The following CLEC12A variants were observed in gnomAD, a reference collection of about 807,000 sequenced individuals.
The protein encoded by CLEC12A is C-type lectin protein CLL-1.
In CLEC12A, 22 loss-of-function variants were observed where a neutral mutation model predicts 26.5. The observed-to-expected ratio is 0.83, with a 90% confidence interval of 0.59 to 1.19. The LOEUF (loss-of-function observed/expected upper bound fraction) is 1.19, where lower values mean the gene tolerates loss of function less well. Among genes scored for constraint, CLEC12A ranks in the 50% most tolerant of loss-of-function variants. The pLI is 0.00. For synonymous variants in CLEC12A, 119 were observed against 101.9 expected (o/e 1.17, Z -1.01); for missense variants, 353 against 315.6 (o/e 1.12, Z -0.90).
chr12:9,979,131 T>A, intron 2 of CLEC12A, 67 bp downstream of exon 2: 1 of 1,327,380 alleles, frequency 7.5e-7, no homozygotes, highest in Non-Finnish European at 1.1e-6. Flanking sequence ...CAACAAAAGT[T>A]TATTCCTTCA....
intron 1 of CLEC12A, among the ~76,000 whole-genome samples, chr12:9,978,306 A>G (rs1351658976): frequency 6.6e-6 from 1 of 152,114 alleles, no homozygotes. Context: ...GAAATGATCT[A>G]TTCTGGGCTT....
At chr12:9,986,525 C>T (rs1219470545), downstream of CLEC12A, among the ~76,000 whole-genome samples, 5 of 150,510 alleles carry the variant, frequency 3.3e-5, no homozygotes, top group Non-Finnish European at 7.4e-5. Context: ...TAAAAGGCAG[C>T]AAGGGTTGGG....
chr12:9,997,418 G>A, downstream of CLEC12A: 1 of 733,840 alleles, frequency 1.4e-6, no homozygotes, highest in Non-Finnish European at 2.2e-6. Context: ...AATGAATGTT[G>A]AAAAGTGTGG....
At chr12:9,963,055 A>G (rs959899604) in intron 1 of CLEC12A, among the ~76,000 whole-genome samples, 1 of 152,170 alleles carries the variant, frequency 6.6e-6, no homozygotes, top group Non-Finnish European at 1.5e-5. Flanking sequence ...TGGAGTTGCT[A>G]GAAGAAACAT....
downstream of CLEC12A, among the ~76,000 whole-genome samples, chr12:9,996,461 A>G (rs1865050061): frequency 6.6e-6 from 1 of 152,202 alleles, no homozygotes; most frequent in African/African-American, 2.4e-5. Context: ...GAGTGGAAAG[A>G]AAAGCTAATT....
chr12:9,997,362 C>A, downstream of CLEC12A: 1 of 1,296,402 alleles, frequency 7.7e-7, no homozygotes, highest in Non-Finnish European at 1.1e-6. Context: ...TTTTCATTTC[C>A]TTAACTTTGC....
At chr12:9,993,381 G>T in intron 4 of CLEC12A, 3 of 704,454 alleles carry the variant, frequency 4.3e-6, no homozygotes, top group Non-Finnish European at 6.8e-6. Flanking sequence ...ACCAAATAGA[G>T]ACTGAGGAAA....
Position 9,984,010 on chromosome 12 carries a change from G to C in CLEC12A, c.642-860G>C, listed in dbSNP as rs780257807. Reference sequence around the variant, plus strand: ...TATGTGTTTGTAATTATTGCAAATGGAATGGTAATCTATAATGGAATGGAA... The same window carrying C: ...TATGTGTTTGTAATTATTGCAAATGCAATGGTAATCTATAATGGAATGGAA... On this transcript the variant is annotated intron_variant, in intron 5 of 5. Coordinates refer to ENST00000304361, the MANE Select transcript of CLEC12A (RefSeq NM_138337.6). 20 of 275,858 alleles carry C rather than the reference G, an allele frequency of 7.3e-5. No homozygotes were observed. In the East Asian group the frequency reaches 2.2e-3, roughly 31 times the overall value. 17.1% of individuals were successfully genotyped at this position (275,858 alleles called of 1,614,324 possible).
chr12:9,998,144 C>T, downstream of CLEC12A: 1 of 666,726 alleles, frequency 1.5e-6, no homozygotes. Context: ...TATTGAGATT[C>T]TCTTGGCAAC....
chr12:9,980,447 AAG>A, intron 3 of CLEC12A, 133 bp from the exon 4 acceptor site: 2 of 950,920 alleles, frequency 2.1e-6, no homozygotes, highest in Non-Finnish European at 1.5e-6. Context: ...AAAAAAAAAA[AAG>A]GGGGAAAGAG....
chr12:9,983,708 C>T (rs76890416), intron 5 of CLEC12A: 5,378 of 486,204 alleles, frequency 0.011, 71 homozygotes, highest in Admixed American at 0.035. Context: ...CACATTGGGC[C>T]ATAATGGCAA....
upstream of CLEC12A, among the ~76,000 whole-genome samples, chr12:9,969,303 C>T (rs532393024): frequency 3.3e-5 from 5 of 152,248 alleles, no homozygotes; most frequent in African/African-American, 1.2e-4. Flanking sequence ...ATTCTTATTA[C>T]CCTGATTTGG....
At chr12:9,973,744 G>A (rs774973337) in intron 1 of CLEC12A, among the ~76,000 whole-genome samples, 10 of 151,930 alleles carry the variant, frequency 6.6e-5, no homozygotes, top group African/African-American at 1.2e-4. Flanking sequence ...ATGAAGGGAC[G>A]GCTCCTCATT....
the CLEC12A span, among the ~76,000 whole-genome samples, chr12:10,002,767 A>G: frequency 6.6e-6 from 1 of 152,284 alleles, no homozygotes; most frequent in Non-Finnish European, 1.5e-5. Context: ...TAATCATTAC[A>G]CTTCTTGTAA....
At chr12:9,992,327 C>T (rs758760691) in intron 4 of CLEC12A, 17 of 152,064 alleles carry the variant, frequency 1.1e-4, no homozygotes, top group African/African-American at 1.7e-4. Context: ...CCTTCTCTAG[C>T]GCAGAAAATT....
chr12:9,993,947 TG>T (rs1864963487), intron 4 of CLEC12A, among the ~76,000 whole-genome samples: 1 of 152,152 alleles, frequency 6.6e-6, no homozygotes, highest in South Asian at 2.1e-4. Context: ...AGAAAGCTAA[TG>T]TCTTTCTTGT....
At chr12:9,963,879 G>A (rs565204269) in intron 1 of CLEC12A, among the ~76,000 whole-genome samples, 13 of 152,312 alleles carry the variant, frequency 8.5e-5, no homozygotes, top group African/African-American at 2.4e-4. Flanking sequence ...GGGTAACTGC[G>A]TAGAGGGGGA....
downstream of CLEC12A, among the ~76,000 whole-genome samples, chr12:10,000,464 T>A (rs4764180): frequency 0.39 from 59,551 of 152,074 alleles, 11,888 homozygotes; most frequent in Non-Finnish European, 0.42. Flanking sequence ...AAACTTAGTA[T>A]GATTCAAATA....
intron 4 of CLEC12A, chr12:9,991,680 C>T (rs1308652230): frequency 2.0e-5 from 3 of 152,096 alleles, no homozygotes; most frequent in Non-Finnish European, 4.4e-5. Flanking sequence ...AAGTGTCTTT[C>T]AGTGTTAGCG....
Sources: gnomAD v4.1 joint callset for allele counts (sites outside exome capture counted in the v4.1 genomes callset) on GRCh38, gnomAD v4.1.1 for gene constraint, MANE v1.5 for transcripts, NCBI Gene and HGNC (gene_info 2026-07-23, HGNC 2026-07-21) for gene names.